The following JDP2 variants were observed in gnomAD, a reference collection of about 807,000 sequenced individuals.
JDP2 encodes the protein progesterone receptor co-activator.
A neutral mutation model predicts 17.1 loss-of-function variants in JDP2; 9 were observed. The observed-to-expected ratio is 0.53, with a 90% CI of 0.32 to 0.92. The LOEUF (loss-of-function observed/expected upper bound fraction) is 0.92. JDP2 is among the 40% of genes least tolerant of loss of function. The pLI, the probability that JDP2 is intolerant of heterozygous loss-of-function variation, is 0.04. For synonymous variants in JDP2, 107 were observed against 95.6 expected (o/e 1.12, Z -0.69); for missense variants, 179 against 220.0 (o/e 0.81, Z 1.18).
chr14:75,450,122 G>T (rs892690368), intron 2 of JDP2, among the ~76,000 whole-genome samples: 2 of 152,218 alleles, frequency 1.3e-5, no homozygotes, highest in Non-Finnish European at 2.9e-5. Context: ...TCAGAGACAT[G>T]CTGCATCTGG....
intron 3 of JDP2, among the ~76,000 whole-genome samples, chr14:75,468,874 T>G (rs1369177484): frequency 6.6e-6 from 1 of 152,250 alleles, no homozygotes; most frequent in Non-Finnish European, 1.5e-5. Flanking sequence ...GGGTCCCCTC[T>G]TGGGCCCCCC....
intron 2 of JDP2, among the ~76,000 whole-genome samples, chr14:75,444,702 A>G (rs560294429): frequency 9.9e-5 from 15 of 152,246 alleles, no homozygotes; most frequent in Non-Finnish European, 2.1e-4. Flanking sequence ...GCTGTGTGAA[A>G]GATGACCTTG....
rs1458435941 is a variant in JDP2, at chr14:75,469,507, AGAG to A, written c.*36_*38del. 6.3e-7 allele frequency: 1 copy of A among 1,599,816 alleles called. No individual in the cohort carries two copies. Among genetic ancestry groups the A allele is most frequent in the African/African-American group, 1.3e-5 (1 of 74,286 alleles). On this transcript the variant is annotated 3_prime_UTR_variant, in exon 4 of 4. Coordinates refer to ENST00000651602, the MANE Select transcript of JDP2 (RefSeq NM_001135048.2). ...GCTGGGAGGAGGTGGAGGAGGAGGA[AGAG>A]GAGAAGGAAAAGTGACGAAGAGAGA...
At chr14:75,427,269 G>T (rs144312850), upstream of JDP2, 11 of 152,638 alleles carry the variant, frequency 7.2e-5, no homozygotes, top group East Asian at 2.1e-3. This position sits in a 1 kb window ranked among gnomAD's most constrained non-coding sequence, Gnocchi z 4.4. Flanking sequence ...AAGCCCAAGG[G>T]TCAAACTGCG....
intron 1 of JDP2, among the ~76,000 whole-genome samples, chr14:75,437,534 T>C (rs151305308): frequency 1.3e-5 from 2 of 152,358 alleles, no homozygotes; most frequent in Admixed American, 1.3e-4. Context: ...ATTATCATTC[T>C]AAGCTTGGCT....
At chr14:75,467,943 A>T (rs1187004920) in intron 3 of JDP2, among the ~76,000 whole-genome samples, 2 of 151,994 alleles carry the variant, frequency 1.3e-5, no homozygotes, top group Non-Finnish European at 2.9e-5. Context: ...CCGGGCACTC[A>T]TGCTGCCACC....
chr14:75,432,186 C>T (rs761813689), intron 1 of JDP2: 3 of 770,858 alleles, frequency 3.9e-6, no homozygotes, highest in Non-Finnish European at 6.6e-6. Context: ...GGGCCTTCCC[C>T]ATCATCTTGC....
At chr14:75,453,320 C>T (rs910067984) in intron 2 of JDP2, among the ~76,000 whole-genome samples, 1 of 151,940 alleles carries the variant, frequency 6.6e-6, no homozygotes. Flanking sequence ...GCAGGGGGGG[C>T]CCTGGTGGGC....
At chr14:75,441,753 C>T (rs1004382517) in intron 2 of JDP2, among the ~76,000 whole-genome samples, 1 of 152,238 alleles carries the variant, frequency 6.6e-6, no homozygotes, top group African/African-American at 2.4e-5. Context: ...GACAGCTTTG[C>T]TCTCTGGCTT....
intron 2 of JDP2, among the ~76,000 whole-genome samples, chr14:75,449,842 A>G (rs1375807529): frequency 6.6e-6 from 1 of 152,180 alleles, no homozygotes; most frequent in Non-Finnish European, 1.5e-5. Context: ...TCACTTTTGT[A>G]ATAACAGTGT....
At chr14:75,463,476 C>T (rs1218182411) in intron 3 of JDP2, among the ~76,000 whole-genome samples, 2 of 151,866 alleles carry the variant, frequency 1.3e-5, no homozygotes, top group Admixed American at 6.6e-5. Flanking sequence ...GGATGGGAGG[C>T]AGGAAACAAG....
intron 3 of JDP2, among the ~76,000 whole-genome samples, chr14:75,468,133 A>G (rs936466019): frequency 1.3e-5 from 2 of 152,154 alleles, no homozygotes; most frequent in African/African-American, 4.8e-5. Flanking sequence ...GTTGTCACAT[A>G]CGCAGTTGCA....
In JDP2 at chr14:75,469,548, C is replaced by T. The variant is rs1170192908; in HGVS notation, c.*73C>T. 2.3e-6 allele frequency: 3 copies of T among 1,299,082 alleles called. No individual in the cohort carries two copies. In the African/African-American group the frequency reaches 4.5e-5, roughly 19 times the overall value. 80.5% of individuals were successfully genotyped at this position (1,299,082 alleles called of 1,614,324 possible). A position where few individuals can be genotyped will look rare whatever the true frequency, so the allele number is the denominator to read the frequency against. On this transcript the variant is annotated 3_prime_UTR_variant, in exon 4 of 4. Coordinates refer to ENST00000651602, the MANE Select transcript of JDP2 (RefSeq NM_001135048.2). ...TGACGAAGAGAGAGGAGGAGGGGGG[C>T]CCCAGATGGCCCTTCCTTTGGTGCA...
rs1884627757 is a variant in JDP2, at chr14:75,428,339, ACGGGCGGAGCGC to A, written c.-24+88_-24+99del. 3 of 148,826 alleles carry A rather than the reference ACGGGCGGAGCGC, an allele frequency of 2.0e-5. No individual in the cohort carries two copies. The highest frequency in any genetic ancestry group is 1.3e-4 in the Admixed American group (2 of 15,002). The allele number at this position is 148,826 out of a possible 1,614,324, so 9.2% of individuals were successfully genotyped here. A position where few individuals can be genotyped will look rare whatever the true frequency, so the allele number is the denominator to read the frequency against. On this transcript the variant is annotated intron_variant, in intron 1 of 3. Coordinates refer to ENST00000651602, the MANE Select transcript of JDP2 (RefSeq NM_001135048.2). This position sits in a 1 kb window ranked among gnomAD's most constrained non-coding sequence, Gnocchi z 5.6. Reference sequence around the variant, plus strand: ...GGGCACCTGGGACGGCCGCCCCCGCACGGGCGGAGCGCGAGGAGCCCCAGCCCAGCCCCGCGG... The same window carrying A: ...GGGCACCTGGGACGGCCGCCCCCGCAGAGGAGCCCCAGCCCAGCCCCGCGG...
intron 2 of JDP2, among the ~76,000 whole-genome samples, chr14:75,438,785 C>T (rs534394716): frequency 2.6e-5 from 4 of 152,236 alleles, no homozygotes; most frequent in Non-Finnish European, 5.9e-5. Context: ...ACCTGCAGCT[C>T]TCATGAGCCC....
chr14:75,429,027 TG>T (rs1884668716), intron 1 of JDP2, among the ~76,000 whole-genome samples: 1 of 146,420 alleles, frequency 6.8e-6, no homozygotes, highest in African/African-American at 2.5e-5. Context: ...AGGGGTGCAG[TG>T]GGGGGTGGGA....
chr14:75,442,373 T>C (rs1396140428), intron 2 of JDP2, among the ~76,000 whole-genome samples: 1 of 152,198 alleles, frequency 6.6e-6, no homozygotes, highest in Non-Finnish European at 1.5e-5. Flanking sequence ...TGTATTTGTA[T>C]ACAGCCTTGA....
intron 2 of JDP2, chr14:75,445,148 A>T: frequency 1.0e-6 from 1 of 985,294 alleles, no homozygotes; most frequent in Non-Finnish European, 1.2e-6. Flanking sequence ...GGTGAGGCTC[A>T]TCTGGCTGAA....
At chr14:75,440,015 T>G (rs1452339829) in intron 2 of JDP2, among the ~76,000 whole-genome samples, 1 of 152,224 alleles carries the variant, frequency 6.6e-6, no homozygotes, top group East Asian at 1.9e-4. Flanking sequence ...CTGGAGGAAC[T>G]CTTCCCTTTT....
Sources: gnomAD v4.1 joint callset for allele counts (sites outside exome capture counted in the v4.1 genomes callset) on GRCh38, gnomAD v4.1.1 for gene constraint, Gnocchi (gnomAD v3.1) non-coding constraint, MANE v1.5 for transcripts, NCBI Gene and HGNC (gene_info 2026-07-23, HGNC 2026-07-21) for gene names.